PMPCB: variants seen among roughly 807,000 people sequenced by gnomAD.
PMPCB encodes the protein peptidase, mitochondrial processing subunit beta, also known as mitochondrial-processing peptidase subunit beta.
PMPCB carries 46 observed loss-of-function variants against 61.5 expected under a neutral mutation model. The observed-to-expected ratio is 0.75, with a 90% CI of 0.59 to 0.96. The LOEUF (loss-of-function observed/expected upper bound fraction) is 0.96. PMPCB is among the 40% of genes least tolerant of loss of function. The pLI is 0.00. For synonymous variants in PMPCB, 191 were observed against 201.6 expected, an observed-to-expected ratio of 0.95 and a Z score of 0.44; for missense variants, 590 against 602.4, an observed-to-expected ratio of 0.98 and a Z score of 0.22.
the PMPCB span, among the ~76,000 whole-genome samples, chr7:103,340,319 T>C: frequency 1.3e-5 from 2 of 152,232 alleles, no homozygotes; most frequent in Non-Finnish European, 2.9e-5. Flanking sequence ...TGCTCCCCAA[T>C]GTTGTCTTTT....
At chr7:103,327,862 T>C (rs1818789410) in intron 12 of PMPCB, 1 of 621,824 alleles carries the variant, frequency 1.6e-6, no homozygotes, top group East Asian at 2.8e-5. Flanking sequence ...TAGAATCTTT[T>C]CTCCCACAGT....
At chr7:103,300,076 C>T (rs1817407054) in intron 3 of PMPCB, 102 bp from the exon 4 acceptor site, 2 of 1,111,226 alleles carry the variant, frequency 1.8e-6, no homozygotes, top group Non-Finnish European at 2.6e-6. Context: ...AAATTTGACC[C>T]TGCATGAAAC....
At chr7:103,328,218 G>A (rs1030036530) in intron 12 of PMPCB, among the ~76,000 whole-genome samples, 2 of 151,864 alleles carry the variant, frequency 1.3e-5, no homozygotes, top group African/African-American at 2.4e-5. Context: ...CACTGAGCCC[G>A]GCTTGAAGTA....
chr7:103,344,851 T>G, the PMPCB span: 1 of 591,216 alleles, frequency 1.7e-6, no homozygotes, highest in Non-Finnish European at 3.0e-6. Flanking sequence ...GTAACCTAGT[T>G]CTATACTGAC....
intron 8 of PMPCB, among the ~76,000 whole-genome samples, chr7:103,309,478 C>CT (rs969519073): frequency 1.7e-4 from 25 of 151,440 alleles, no homozygotes; most frequent in African/African-American, 6.0e-4. Context: ...CATGTATGGA[C>CT]TTTTTTTTTG....
In PMPCB at chr7:103,312,255, G is replaced by T. The variant is rs971786870; in HGVS notation, c.1454G>T (p.Cys485Phe). 6 of 1,611,470 alleles carry T rather than the reference G, an allele frequency of 3.7e-6. No individual in the cohort carries two copies. In the African/African-American group the frequency reaches 6.7e-5, roughly 18 times the overall value. The change falls in exon 13 of 13, where the codon TGT becomes TTT. Residue 485 changes from cysteine (C) to phenylalanine (F), a missense_variant. Transcript: ENST00000249269. The stretch of plus-strand genomic sequence containing the variant: ...TTTAAACAGATACGCAGTAACATGT[G>T]TTGGCTTCGTGATTAAAATGCTCCT... ...PDFKQIRSNMCWLRD is the reference protein window; with the variant it reads ...PDFKQIRSNMFWLRD
intron 9 of PMPCB, chr7:103,311,238 TAA>T (rs1405865693): frequency 5.9e-6 from 1 of 168,182 alleles, no homozygotes; most frequent in African/African-American, 2.4e-5. Context: ...TACATCTTTC[TAA>T]ATCTAGTCAA....
In PMPCB at chr7:103,312,492, A is replaced by G. The variant is rs944345580; in HGVS notation, c.*221A>G. The G allele has an allele frequency of 4.5e-6, 7 of 1,571,628 alleles. No individual in the cohort carries two copies. In the African/African-American group the frequency reaches 8.2e-5, roughly 18 times the overall value. On this transcript the variant is annotated 3_prime_UTR_variant, in exon 13 of 13. Coordinates refer to ENST00000249269, the MANE Select transcript of PMPCB (RefSeq NM_004279.3). ...AGCAGCATACTTTCAAATTATTACC[A>G]TGAGTATAATTTTAAGAATGAAAAT... is the stretch of plus-strand genomic sequence containing the variant.
chr7:103,307,028 G>A (rs1428826441), intron 6 of PMPCB, among the ~76,000 whole-genome samples: 2 of 151,894 alleles, frequency 1.3e-5, no homozygotes, highest in Non-Finnish European at 2.9e-5. Flanking sequence ...CAAAGTGCCG[G>A]GATTACAGGT....
chr7:103,341,675 A>G, the PMPCB span: 4 of 1,122,566 alleles, frequency 3.6e-6, no homozygotes, highest in African/African-American at 1.6e-5. Flanking sequence ...GAATCATCTT[A>G]AAACATGTTT....
intron 6 of PMPCB, among the ~76,000 whole-genome samples, chr7:103,306,601 A>C (rs368427963): frequency 6.6e-6 from 1 of 151,688 alleles, no homozygotes; most frequent in African/African-American, 2.4e-5. Context: ...AGGCTGGTCT[A>C]CCTCTACCTC....
chr7:103,304,187 C>T, intron 5 of PMPCB, 147 bp downstream of exon 5: 1 of 693,726 alleles, frequency 1.4e-6, no homozygotes, highest in Admixed American at 2.8e-5. Context: ...TTTAGTCCCA[C>T]CTAGCTCCCA....
chr7:103,339,609 T>C, the PMPCB span, among the ~76,000 whole-genome samples: 1 of 152,228 alleles, frequency 6.6e-6, no homozygotes, highest in South Asian at 2.1e-4. Flanking sequence ...CAATGGTTTT[T>C]TTTTTTTTTG....
At chr7:103,301,884 G>A (rs1012741003) in intron 4 of PMPCB, among the ~76,000 whole-genome samples, 1 of 151,976 alleles carries the variant, frequency 6.6e-6, no homozygotes, top group African/African-American at 2.4e-5. Context: ...CATGTGCCGT[G>A]TTGGTGTGCT....
Position 103,314,489 on chromosome 7 carries a change from T to C in PMPCB, c.*2218T>C, listed in dbSNP as rs777572453. ...TCACAGAAAGCAGACTGGACAAATA[T>C]CAGGGCCCACCTCCCTCCAACATGG... is the stretch of plus-strand genomic sequence containing the variant. On this transcript the variant is annotated 3_prime_UTR_variant, in exon 13 of 13. Coordinates refer to ENST00000249269, the MANE Select transcript of PMPCB (RefSeq NM_004279.3). 15 of 985,188 alleles carry C rather than the reference T, an allele frequency of 1.5e-5. No individual in the cohort carries two copies. The highest frequency in any genetic ancestry group is 1.4e-4 in the South Asian group (3 of 21,290). The allele number at this position is 985,188 out of a possible 1,614,324, so 61.0% of individuals were successfully genotyped here. A position where few individuals can be genotyped will look rare whatever the true frequency, so the allele number is the denominator to read the frequency against.
At chr7:103,344,629 G>A in the PMPCB span, 2 of 1,608,344 alleles carry the variant, frequency 1.2e-6, no homozygotes, top group Non-Finnish European at 1.7e-6. Context: ...GCATGATGGC[G>A]CCGGGTCTAG....
At chr7:103,302,281 TACTC>T (rs1356613096) in intron 4 of PMPCB, among the ~76,000 whole-genome samples, 2 of 152,340 alleles carry the variant, frequency 1.3e-5, no homozygotes, top group African/African-American at 4.8e-5. Flanking sequence ...GATGATCACT[TACTC>T]TTATTGGTAA....
intron 4 of PMPCB, among the ~76,000 whole-genome samples, chr7:103,302,010 C>T (rs1240187693): frequency 4.6e-5 from 7 of 152,104 alleles, no homozygotes; most frequent in African/African-American, 1.7e-4. Flanking sequence ...TCCAAGTGTT[C>T]TCATTGTTCA....
Position 103,312,207 on chromosome 7 carries a change from G to A in PMPCB, c.1406G>A (p.Gly469Asp). The change falls in exon 13 of 13, where the codon GGT becomes GAT. Residue 469 changes from glycine (G) to aspartate (D), a missense_variant and splice_region_variant. Transcript: ENST00000249269. ...YNRSPAIAAV[G>D]PIKQLPDFKQ... Reference sequence around the variant, plus strand: ...ATTAACTCTTCTTTTTAATCCTTAGGTCCCATTAAGCAACTACCAGATTTT... The same window carrying A: ...ATTAACTCTTCTTTTTAATCCTTAGATCCCATTAAGCAACTACCAGATTTT... 1.2e-6 allele frequency: 2 copies of A among 1,613,584 alleles called. No individual in the cohort carries two copies. The highest frequency in any genetic ancestry group is 8.5e-7 in the Non-Finnish European group (1 of 1,179,914).
Sources: gnomAD v4.1 joint callset for allele counts (sites outside exome capture counted in the v4.1 genomes callset) on GRCh38, gnomAD v4.1.1 for gene constraint, MANE v1.5 for transcripts, NCBI Gene and HGNC (gene_info 2026-07-23, HGNC 2026-07-21) for gene names.